TMEM243: variants seen among roughly 807,000 people sequenced by gnomAD.
TMEM243 encodes the protein MDR1 and mitochondrial taxol resistance associated.
A neutral mutation model predicts 15.0 loss-of-function variants in TMEM243; 20 were observed. The observed-to-expected ratio is 1.33, with a 90% confidence interval of 0.94 to 1.93. The LOEUF is 1.93. Among genes scored for constraint, TMEM243 ranks in the 30% most tolerant of loss-of-function variants. TMEM243 has a pLI of 0.00. For missense variants in TMEM243, 156 were observed against 142.1 expected (o/e 1.10, Z -0.50); for synonymous variants, 72 against 52.7 (o/e 1.37, Z -1.59).
chr7:87,199,534 G>A (rs1801628260), intron 1 of TMEM243: 1 of 153,466 alleles, frequency 6.5e-6, no homozygotes, highest in Non-Finnish European at 1.5e-5. Flanking sequence ...TGTTAAAAGG[G>A]ATGGGTCCTA....
chr7:87,209,649 TGAGA>T (rs1235702211), intron 1 of TMEM243, among the ~76,000 whole-genome samples: 159 of 30,124 alleles, frequency 5.3e-3, no homozygotes, highest in Middle Eastern at 0.022. Context: ...AGAGAGACAG[TGAGA>T]GACAGAGCGA....
Position 87,196,578 on chromosome 7 carries a change from C to T in TMEM243, c.*58G>A. 1 of 1,533,590 alleles carries T rather than the reference C, an allele frequency of 6.5e-7. No homozygotes were observed. The highest frequency in any genetic ancestry group is 8.7e-7 in the Non-Finnish European group (1 of 1,144,938). The allele number at this position is 1,533,590 out of a possible 1,614,324, so 95.0% of individuals were successfully genotyped here. A position where few individuals can be genotyped will look rare whatever the true frequency, so the allele number is the denominator to read the frequency against. On this transcript the variant is annotated 3_prime_UTR_variant, in exon 4 of 4. Transcript: ENST00000257637. The stretch of plus-strand genomic sequence containing the variant: ...TTCAGCATACCTTATCCAAAAATTA[C>T]TCACTGTCCTAATGTATCATTTTGA...
chr7:87,216,497 C>T (rs1803133063), intron 1 of TMEM243, among the ~76,000 whole-genome samples: 1 of 152,128 alleles, frequency 6.6e-6, no homozygotes, highest in Non-Finnish European at 1.5e-5. Context: ...AACTGTTTCA[C>T]TTTGCCTTTC....
At chr7:87,220,389 G>A (rs925534552), upstream of TMEM243, 2 of 152,408 alleles carry the variant, frequency 1.3e-5, no homozygotes, top group Non-Finnish European at 2.9e-5. Context: ...CTCGCACGCT[G>A]GGGGGCCCTG....
intron 1 of TMEM243, among the ~76,000 whole-genome samples, chr7:87,218,234 C>T (rs1264171571): frequency 6.6e-6 from 1 of 152,206 alleles, no homozygotes; most frequent in Non-Finnish European, 1.5e-5. Context: ...GGAACATCTA[C>T]TGGAGGAGGA....
At position 87,196,643 on chromosome 7, in the gene TMEM243, C is replaced by G; in HGVS notation, c.350G>C (p.Gly117Ala). The G allele has an allele frequency of 6.2e-7, 1 of 1,608,502 alleles. No individual in the cohort carries two copies. Among genetic ancestry groups the G allele is most frequent in the Non-Finnish European group, 8.5e-7 (1 of 1,177,620 alleles). ...TACTTCTCCTTGGCAGCCTCACCTT[C>G]CCACATCATGGAAGTACAGGTTTGC... ...ICANLYFHDVGR is the reference protein window; with the variant it reads ...ICANLYFHDVAR The change falls in exon 4 of 4, where the codon GGA (glycine) becomes GCA (alanine). Residue 117 changes from glycine to alanine, a missense_variant. Transcript: ENST00000257637.
At chr7:87,213,211 T>C (rs1466198707) in intron 1 of TMEM243, among the ~76,000 whole-genome samples, 1 of 152,156 alleles carries the variant, frequency 6.6e-6, no homozygotes, top group African/African-American at 2.4e-5. Flanking sequence ...CCTGAGGACC[T>C]TCCAGAAATA....
chr7:87,208,690 T>A (rs1368865480), intron 1 of TMEM243, among the ~76,000 whole-genome samples: 1 of 152,232 alleles, frequency 6.6e-6, no homozygotes, highest in Non-Finnish European at 1.5e-5. Flanking sequence ...CTGTTGAATT[T>A]TGGGCCACCG....
intron 1 of TMEM243, among the ~76,000 whole-genome samples, chr7:87,201,754 CAAT>C (rs774345763): frequency 1.7e-4 from 26 of 152,148 alleles, no homozygotes; most frequent in Admixed American, 1.2e-3. Flanking sequence ...TCTATTAACT[CAAT>C]TATTTCTCAC....
chr7:87,204,574 C>T (rs566526105), intron 1 of TMEM243, among the ~76,000 whole-genome samples: 6 of 152,334 alleles, frequency 3.9e-5, no homozygotes, highest in Admixed American at 3.9e-4. Context: ...CTACAGGCCC[C>T]ATGCAAATCC....
intron 2 of TMEM243, 96 bp downstream of exon 2, chr7:87,198,911 G>A (rs572587750): frequency 1.8e-6 from 2 of 1,101,126 alleles, no homozygotes; most frequent in South Asian, 1.6e-5. Flanking sequence ...AAAATTAAAA[G>A]CACTTATTTA....
At chr7:87,197,899 T>A (rs1562875330) in intron 3 of TMEM243, 42 bp downstream of exon 3, 1 of 1,612,304 alleles carries the variant, frequency 6.2e-7, no homozygotes, top group African/African-American at 1.3e-5. Flanking sequence ...CATTGCAACT[T>A]AAACCCTCAA....
intron 1 of TMEM243, among the ~76,000 whole-genome samples, chr7:87,205,858 A>G (rs939631729): frequency 6.6e-6 from 1 of 152,130 alleles, no homozygotes; most frequent in Admixed American, 6.5e-5. Context: ...CCTGTTACCC[A>G]GTTCCAAAGT....
At chr7:87,216,357 A>G (rs1405520980) in intron 1 of TMEM243, among the ~76,000 whole-genome samples, 1 of 151,354 alleles carries the variant, frequency 6.6e-6, no homozygotes, top group Non-Finnish European at 1.5e-5. Flanking sequence ...GAAGTGGGGG[A>G]ATTGCTTGAG....
Position 87,219,403 on chromosome 7 carries a change from C to T in TMEM243, c.78+23G>A, listed in dbSNP as rs562060433. ...CAGCAGACACACCCCCCATCCCAGT[C>T]TGGAGTCACAATCCGCACTCACCTT... On this transcript the variant is annotated intron_variant, in intron 1 of 3. Coordinates refer to ENST00000257637, the MANE Select transcript of TMEM243 (RefSeq NM_024315.4). 4 of 1,612,502 alleles carry T rather than the reference C, an allele frequency of 2.5e-6. No homozygotes were observed. In the African/African-American group the frequency reaches 4.0e-5, roughly 16 times the overall value.
At chr7:87,201,410 T>C (rs934332566) in intron 1 of TMEM243, among the ~76,000 whole-genome samples, 7 of 152,210 alleles carry the variant, frequency 4.6e-5, no homozygotes, top group Non-Finnish European at 7.3e-5. Context: ...GATCTGGTAA[T>C]TTATGTGCAC....
At chr7:87,218,101 A>G (rs1803238451) in intron 1 of TMEM243, among the ~76,000 whole-genome samples, 1 of 152,252 alleles carries the variant, frequency 6.6e-6, no homozygotes, top group African/African-American at 2.4e-5. Context: ...GTACCCTAAC[A>G]TGTCCCTGTC....
intron 1 of TMEM243, among the ~76,000 whole-genome samples, chr7:87,210,298 G>A (rs953267145): frequency 9.9e-5 from 15 of 152,156 alleles, no homozygotes; most frequent in African/African-American, 3.6e-4. Context: ...TTCAGCCCCT[G>A]GGCCCTCCGA....
intron 1 of TMEM243, among the ~76,000 whole-genome samples, chr7:87,215,273 A>G (rs1803023968): frequency 6.6e-6 from 1 of 151,894 alleles, no homozygotes; most frequent in Admixed American, 6.6e-5. Context: ...TGCCCAGCTA[A>G]TTTTTTGTGT....
Sources: allele counts gnomAD v4.1 joint callset (sites outside exome capture counted in the v4.1 genomes callset), GRCh38; gene constraint gnomAD v4.1.1; transcripts MANE v1.5; gene names NCBI Gene and HGNC (gene_info 2026-07-23, HGNC 2026-07-21).